The following CUBN variants were observed in gnomAD, a reference collection of about 807,000 sequenced individuals.
The protein encoded by CUBN is cubilin.
A neutral mutation model predicts 405.3 loss-of-function variants in CUBN; 282 were observed. That is an observed-to-expected ratio of 0.70 (90% CI 0.63 to 0.77). The LOEUF (loss-of-function observed/expected upper bound fraction) is 0.77, where lower values mean the gene tolerates loss of function less well. Among genes scored for constraint, CUBN ranks in the 30% least tolerant of loss-of-function variants. The pLI is 0.00. For missense variants in CUBN, 4,514 were observed against 4,475.2 expected (o/e 1.01, Z -0.25); for synonymous variants, 1,684 against 1,617.0 (o/e 1.04, Z -0.99).
chr10:16,826,279 T>C (rs868808808), intron 66 of CUBN, among the ~76,000 whole-genome samples: 51 of 135,588 alleles, frequency 3.8e-4, no homozygotes, highest in African/African-American at 1.3e-3. Context: ...TATATAAATA[T>C]TACAAGTTTA....
At chr10:16,963,155 CT>C (rs1843280897) in intron 31 of CUBN, among the ~76,000 whole-genome samples, 1 of 143,134 alleles carries the variant, frequency 7.0e-6, no homozygotes, top group South Asian at 2.2e-4. Context: ...TCCAGAAATT[CT>C]CATATATACA....
chr10:17,105,560 C>T lies in CUBN; in HGVS notation c.1127G>A (p.Cys376Tyr), dbSNP rs2131302483. Reference sequence around the variant, plus strand: ...TCCAGTATAACCCGGGAGACACGTGCAGAGAGGTAAGGAACCTGTTCAGAA... The same window carrying T: ...TCCAGTATAACCCGGGAGACACGTGTAGAGAGGTAAGGAACCTGTTCAGAA... ...CSSTLGSLPL[C>Y]TCLPGYTGNG... The change falls in exon 11 of 67, where the codon TGC becomes TAC. Residue 376 changes from cysteine to tyrosine, a missense_variant. Transcript: ENST00000377833. 6.3e-7 allele frequency: 1 copy of T among 1,599,212 alleles called. No homozygotes were observed. The highest frequency in any genetic ancestry group is 8.6e-7 in the Non-Finnish European group (1 of 1,166,238).
chr10:17,094,418 T>A (rs1213592092), intron 14 of CUBN, among the ~76,000 whole-genome samples: 1 of 152,078 alleles, frequency 6.6e-6, no homozygotes, highest in Admixed American at 6.6e-5. Flanking sequence ...TAAAATATGT[T>A]CTTCAGGCTG....
chr10:17,076,920 T>C (rs1835866850), intron 17 of CUBN, among the ~76,000 whole-genome samples: 1 of 152,224 alleles, frequency 6.6e-6, no homozygotes, highest in South Asian at 2.1e-4. Context: ...TTTTGGTTTG[T>C]TATTGTTTTT....
intron 29 of CUBN, among the ~76,000 whole-genome samples, chr10:16,984,940 G>C (rs1335096752): frequency 2.0e-5 from 3 of 152,224 alleles, no homozygotes; most frequent in Non-Finnish European, 2.9e-5. Flanking sequence ...CCCTGTGCCT[G>C]CTCCCAGCAC....
Position 16,940,099 on chromosome 10 carries a change from G to T in CUBN, c.5481C>A (p.Thr1827=). The T allele has an allele frequency of 6.2e-7, 1 of 1,614,070 alleles. No homozygotes were observed. Among genetic ancestry groups the T allele is most frequent in the Non-Finnish European group, 8.5e-7 (1 of 1,179,972 alleles). The change falls in exon 37 of 67, where the codon ACC becomes ACA. Residue 1827 remains threonine, a synonymous_variant. Coordinates refer to ENST00000377833, the MANE Select transcript of CUBN (RefSeq NM_001081.4). ...PLNYSSIVGH[T]LWVRFISDGS... ...CATCTGAGATAAATCTGACCCACAG[G>T]GTATGTCCAACGATGGAAGAATAAT...
chr10:17,042,321 G>A (rs560362436), intron 26 of CUBN, among the ~76,000 whole-genome samples: 13 of 152,206 alleles, frequency 8.5e-5, no homozygotes, highest in South Asian at 6.2e-4. Context: ...CACGTGCCTC[G>A]ATGACTAGGG....
rs190336165 is a variant in CUBN at position 17,086,256 on chromosome 10, G to A, written c.1948-497C>T. Among the ~76,000 whole-genome samples the A allele has an allele frequency of 1.9e-3, 289 of 152,168 alleles. 1 individual carries two copies. The highest frequency in any genetic ancestry group is 6.5e-3 in the African/African-American group (270 of 41,518). On this transcript the variant is annotated intron_variant, in intron 15 of 66. Transcript: ENST00000377833. ...TGGGATTACAGGCATGAGCCACCGC[G>A]CCTGGCCTGTGACTGGATTTCAATT...
chr10:16,977,612 G>C (rs1357928793), intron 31 of CUBN, among the ~76,000 whole-genome samples: 1 of 152,156 alleles, frequency 6.6e-6, no homozygotes, highest in Admixed American at 6.5e-5. Flanking sequence ...TGTGTGACCT[G>C]ATTCTTCCTG....
At chr10:16,973,177 C>A (rs945428651) in intron 31 of CUBN, among the ~76,000 whole-genome samples, 1 of 152,194 alleles carries the variant, frequency 6.6e-6, no homozygotes, top group South Asian at 2.1e-4. Flanking sequence ...ACAACACTCT[C>A]ATTTTTTATT....
chr10:17,098,759 T>C (rs1439884666), intron 14 of CUBN, among the ~76,000 whole-genome samples: 2 of 152,158 alleles, frequency 1.3e-5, no homozygotes, highest in South Asian at 2.1e-4. Context: ...ATTTAAAAAA[T>C]ACATATTTTT....
intron 31 of CUBN, among the ~76,000 whole-genome samples, chr10:16,955,503 T>A (rs1156611078): frequency 1.3e-5 from 2 of 151,568 alleles, no homozygotes; most frequent in Non-Finnish European, 2.9e-5. Flanking sequence ...TGAAATGGAA[T>A]CTATGTCACA....
Position 17,005,795 on chromosome 10 carries a change from T to C in CUBN, c.4168+14038A>G, listed in dbSNP as rs572199645. Reference sequence around the variant, plus strand: ...CCTTTCTGGTATGGGCTGAATTGTATCTCTGCCAAAATTCATATGTTGAAG... The same window carrying C: ...CCTTTCTGGTATGGGCTGAATTGTACCTCTGCCAAAATTCATATGTTGAAG... On this transcript the variant is annotated intron_variant, in intron 28 of 66. Coordinates refer to ENST00000377833, the MANE Select transcript of CUBN (RefSeq NM_001081.4). Among the ~76,000 whole-genome samples the C allele has an allele frequency of 3.8e-4, 58 of 152,256 alleles. 2 individuals carry two copies. The South Asian group carries it at 0.012, about 32-fold the overall frequency.
At position 17,116,193 on chromosome 10, in the gene CUBN, G is replaced by A. The variant is rs558685298; in HGVS notation, c.594-596C>T. 2.0e-5 allele frequency among the ~76,000 whole-genome samples: 3 copies of A among 152,352 alleles called. No individual in the cohort carries two copies. The East Asian group carries it at 5.8e-4, about 29-fold the overall frequency. On this transcript the variant is annotated intron_variant, in intron 6 of 66. Coordinates refer to ENST00000377833, the MANE Select transcript of CUBN (RefSeq NM_001081.4). ...GCCACACTTGAATTTCCAACAAAAT[G>A]TGGTAATTATTACACTATGCGTAAG...
In CUBN at chr10:17,129,679, C is replaced by T. The variant is rs1412196207; in HGVS notation, c.87G>A (p.Glu29=). ...TGATGCTTCTTTTTTGTCTCTGCAG[C>T]TCAAGTTCTCCAGCTTCGCCATTTA... ...AEVNGEAGEL[E]LQRQKRSINL... The change falls in exon 1 of 67, where the codon GAG becomes GAA. Residue 29 remains glutamate (E), a synonymous_variant. Transcript: ENST00000377833. The T allele has an allele frequency of 1.2e-5, 19 of 1,614,144 alleles. No homozygotes were observed. The highest frequency in any genetic ancestry group is 1.6e-4 in the Middle Eastern group (1 of 6,062).
At chr10:17,015,464 G>T (rs1834302701) in intron 28 of CUBN, among the ~76,000 whole-genome samples, 3 of 152,226 alleles carry the variant, frequency 2.0e-5, no homozygotes. Context: ...CAACTGAGGA[G>T]GTAGGAGAAA....
At chr10:17,053,430 A>C (rs1401301441) in intron 22 of CUBN, among the ~76,000 whole-genome samples, 2 of 152,098 alleles carry the variant, frequency 1.3e-5, no homozygotes, top group Non-Finnish European at 2.9e-5. Context: ...AATCACTGAA[A>C]TAATATCAAA....
At chr10:17,045,837 C>A (rs1835119880) in intron 24 of CUBN, 97 bp downstream of exon 24, 2 of 1,252,386 alleles carry the variant, frequency 1.6e-6, no homozygotes, top group Admixed American at 3.4e-5. Flanking sequence ...TACAGCTGGG[C>A]AAACATGGAC....
At chr10:17,043,738 C>T in intron 26 of CUBN, 89 bp downstream of exon 26, 1 of 1,570,342 alleles carries the variant, frequency 6.4e-7, no homozygotes, top group Non-Finnish European at 8.7e-7. Flanking sequence ...AGTATACATA[C>T]TTACTCTGCC....
Sources: gnomAD v4.1 joint callset for allele counts (sites outside exome capture counted in the v4.1 genomes callset) on GRCh38, gnomAD v4.1.1 for gene constraint, MANE v1.5 for transcripts, NCBI Gene and HGNC (gene_info 2026-07-23, HGNC 2026-07-21) for gene names.